Variants in NEK10 observed in about 807,000 individuals in gnomAD.
NEK10 encodes the protein serine/threonine-protein kinase Nek10.
In NEK10, 122 loss-of-function variants were observed where a neutral mutation model predicts 159.8. The ratio of observed to expected loss-of-function variants is 0.76; its 90% CI spans 0.66 to 0.89. The LOEUF (loss-of-function observed/expected upper bound fraction) is 0.89, where lower values mean the gene tolerates loss of function less well. Ranked by LOEUF, NEK10 falls within the 40% of genes least tolerant of loss-of-function variation. The pLI, the probability that NEK10 is intolerant of heterozygous loss-of-function variation, is 0.00. For synonymous variants in NEK10, 466 were observed against 457.1 expected, an observed-to-expected ratio of 1.02 and a Z score of -0.25; for missense variants, 1,342 against 1,323.1, an observed-to-expected ratio of 1.01 and a Z score of -0.22.
intron 31 of NEK10, among the ~76,000 whole-genome samples, chr3:27,134,608 T>A (rs1325169312): frequency 6.6e-6 from 1 of 152,154 alleles, no homozygotes; most frequent in Non-Finnish European, 1.5e-5. Flanking sequence ...AGCCTCTAGT[T>A]AAGTTAGAAT....
intron 35 of NEK10, among the ~76,000 whole-genome samples, chr3:27,114,531 C>T (rs1199634379): frequency 6.6e-6 from 1 of 152,108 alleles, no homozygotes; most frequent in African/African-American, 2.4e-5. Context: ...ATAAGAAAAA[C>T]TCCTTGAAAT....
At chr3:27,354,114 C>T (rs34305243) in intron 1 of NEK10, among the ~76,000 whole-genome samples, 17,515 of 152,194 alleles carry the variant, frequency 0.12, 2,391 homozygotes, top group African/African-American at 0.33. Flanking sequence ...TACATAGCCA[C>T]ACTGTCCTGC....
chr3:27,300,683 T>C (rs1033559206), intron 13 of NEK10, among the ~76,000 whole-genome samples: 1 of 152,160 alleles, frequency 6.6e-6, no homozygotes, highest in Non-Finnish European at 1.5e-5. Flanking sequence ...GTAACTGTTC[T>C]TCTGAATTCT....
At chr3:27,291,183 T>C (rs864241) in intron 18 of NEK10, 79 bp downstream of exon 18, 395,754 of 1,326,402 alleles carry the variant, frequency 0.3, 68,121 homozygotes, top group African/African-American at 0.76. Flanking sequence ...AGAGTTCTAA[T>C]TCAATTGAAT....
chr3:27,365,673 C>T (rs1383247061), intron 1 of NEK10, among the ~76,000 whole-genome samples: 1 of 121,478 alleles, frequency 8.2e-6, no homozygotes, highest in South Asian at 2.8e-4. Context: ...AGTGCAGTAG[C>T]ACGATCTCAG....
Position 27,174,670 on chromosome 3 carries a change from T to C in NEK10, c.2669A>G (p.Asn890Ser). ...AGTACCTTTCTCAGCATTTTCCAGGTTGAAGTTATCATCTGACAGGATTTC... is the reference window on the plus strand; with the variant it reads ...AGTACCTTTCTCAGCATTTTCCAGGCTGAAGTTATCATCTGACAGGATTTC... ...CDEILSDDNF[N>S]LENAEKDTYS... The change falls in exon 27 of 36, where the codon AAC becomes AGC. Residue 890 changes from asparagine (N) to serine (S), a missense_variant. Transcript: ENST00000691995. 1 of 1,610,972 alleles carries C rather than the reference T, an allele frequency of 6.2e-7. No individual in the cohort carries two copies. Among genetic ancestry groups the C allele is most frequent in the Non-Finnish European group, 8.5e-7 (1 of 1,178,980 alleles).
At chr3:27,368,367 GA>G (rs1209593967) in intron 1 of NEK10, among the ~76,000 whole-genome samples, 1 of 151,900 alleles carries the variant, frequency 6.6e-6, no homozygotes, top group Non-Finnish European at 1.5e-5. Context: ...CAATGGTGGG[GA>G]AAAAAGTGGA....
chr3:27,245,728 C>T (rs956013818), intron 23 of NEK10, among the ~76,000 whole-genome samples: 2 of 152,276 alleles, frequency 1.3e-5, no homozygotes, highest in Admixed American at 1.3e-4. Context: ...AAATATACAT[C>T]TCTCCATCAT....
At chr3:27,265,344 A>T (rs551981232) in intron 22 of NEK10, among the ~76,000 whole-genome samples, 2 of 152,050 alleles carry the variant, frequency 1.3e-5, no homozygotes, top group Non-Finnish European at 2.9e-5. Flanking sequence ...GTTTAATTTG[A>T]TTTTATAAAA....
At chr3:27,132,159 C>T (rs1465485124) in intron 31 of NEK10, among the ~76,000 whole-genome samples, 169 bp from the exon 32 acceptor site, 2 of 152,086 alleles carry the variant, frequency 1.3e-5, no homozygotes, top group South Asian at 2.1e-4. Context: ...TTTTACCCTG[C>T]GATTCAGAAG....
chr3:27,256,153 T>C, intron 23 of NEK10, 143 bp downstream of exon 23: 1 of 418,338 alleles, frequency 2.4e-6, no homozygotes, highest in East Asian at 3.6e-5. Flanking sequence ...ATTCTAGTAA[T>C]GTGTATTACC....
At chr3:27,136,049 C>T (rs1943157690) in intron 31 of NEK10, among the ~76,000 whole-genome samples, 1 of 148,604 alleles carries the variant, frequency 6.7e-6, no homozygotes, top group African/African-American at 2.5e-5. Flanking sequence ...GTTGTGAAGA[C>T]AAACAATTCA....
chr3:27,249,005 T>G (rs1349146922), intron 23 of NEK10, among the ~76,000 whole-genome samples: 1 of 152,182 alleles, frequency 6.6e-6, no homozygotes, highest in Non-Finnish European at 1.5e-5. Context: ...ACCCAAAATC[T>G]CATCTTGAAT....
At chr3:27,158,421 AGTT>A (rs1945708504) in intron 30 of NEK10, among the ~76,000 whole-genome samples, 1 of 152,204 alleles carries the variant, frequency 6.6e-6, no homozygotes, top group Non-Finnish European at 1.5e-5. Context: ...AACTACTAAA[AGTT>A]GTTCGTATAA....
At chr3:27,181,996 C>G (rs917584230) in intron 26 of NEK10, among the ~76,000 whole-genome samples, 1 of 151,980 alleles carries the variant, frequency 6.6e-6, no homozygotes, top group Middle Eastern at 3.2e-3. Context: ...CTAGAACACC[C>G]AAATCAAATT....
intron 30 of NEK10, among the ~76,000 whole-genome samples, chr3:27,156,871 T>C (rs941202125): frequency 1.4e-5 from 2 of 139,110 alleles, no homozygotes; most frequent in African/African-American, 5.3e-5. Flanking sequence ...CAATTCACAA[T>C]TGCATAATTG....
intron 23 of NEK10, among the ~76,000 whole-genome samples, chr3:27,202,933 A>T (rs1457970185): frequency 3.3e-5 from 5 of 152,118 alleles, no homozygotes; most frequent in Admixed American, 6.6e-5. Context: ...AGTGCTCATC[A>T]TCCATTCCTG....
At position 27,130,100 on chromosome 3, in the gene NEK10, T is replaced by A. The variant is rs528332992; in HGVS notation, c.3081+1780A>T. On this transcript the variant is annotated intron_variant, in intron 32 of 35. Coordinates refer to ENST00000691995, the MANE Select transcript of NEK10 (RefSeq NM_001394966.1). ...AGGAATGGAACCACACTTCTGTTGA[T>A]CATGAGCCCTAAAGCAATATATAGG... 8.5e-5 allele frequency among the ~76,000 whole-genome samples: 13 copies of A among 152,062 alleles called. No individual in the cohort carries two copies. The East Asian group carries it at 2.3e-3, about 27-fold the overall frequency.
At chr3:27,173,719 T>C (rs189388814) in intron 28 of NEK10, among the ~76,000 whole-genome samples, 139 of 152,304 alleles carry the variant, frequency 9.1e-4, no homozygotes, top group African/African-American at 3.2e-3. Flanking sequence ...TCAGAATATT[T>C]CTATCTATGG....
Sources: allele counts gnomAD v4.1 joint callset (sites outside exome capture counted in the v4.1 genomes callset), GRCh38; gene constraint gnomAD v4.1.1; transcripts MANE v1.5; gene names NCBI Gene and HGNC (gene_info 2026-07-23, HGNC 2026-07-21).